Variants in NEMF observed in about 807,000 individuals in gnomAD.
The protein encoded by NEMF is ribosome quality control complex subunit NEMF.
In NEMF, 89 loss-of-function variants were observed where a neutral mutation model predicts 162.2. That is an observed-to-expected ratio of 0.55 (90% CI 0.46 to 0.65). The LOEUF (loss-of-function observed/expected upper bound fraction) is 0.65, where lower values mean the gene tolerates loss of function less well. Among genes scored for constraint, NEMF ranks in the 30% least tolerant of loss-of-function variants. The pLI, the probability that NEMF is intolerant of heterozygous loss-of-function variation, is 0.00. For missense variants in NEMF, 1,133 were observed against 1,261.9 expected (o/e 0.90, Z 1.55); for synonymous variants, 421 against 404.5 (o/e 1.04, Z -0.49).
intron 6 of NEMF, among the ~76,000 whole-genome samples, chr14:49,835,830 C>A (rs1175502302): frequency 6.6e-6 from 1 of 152,006 alleles, no homozygotes; most frequent in Non-Finnish European, 1.5e-5. Flanking sequence ...ATACAAAAAC[C>A]AATATATAGA....
At position 49,802,455 on chromosome 14, in the gene NEMF, A is replaced by G. The variant is rs538511705; in HGVS notation, c.2093T>C (p.Leu698Ser). The stretch of plus-strand genomic sequence containing the variant: ...ATTTCTTAAAATCTATAAACTACCT[A>G]ATTGTTCCATTTCTTCTGATATGAG... ...SELISEEMEQ[L>S]DGGDTSSDED... The change falls in exon 22 of 33, where the codon TTA becomes TCA. Residue 698 changes from leucine (L) to serine (S), a missense_variant and splice_region_variant. Leu to Ser is a moderately radical substitution (Grantham distance 145, BLOSUM62 -2). This residue lies in a region of NEMF where 532 missense variants were observed against 578.6 expected (regional missense o/e 0.92). Transcript: ENST00000298310. The G allele has an allele frequency of 5.0e-6, 8 of 1,612,774 alleles. No individual in the cohort carries two copies. Among genetic ancestry groups the G allele is most frequent in the Non-Finnish European group, 4.2e-6 (5 of 1,179,548 alleles).
At chr14:49,819,922 A>C (rs1891913529) in intron 16 of NEMF, among the ~76,000 whole-genome samples, 1 of 151,796 alleles carries the variant, frequency 6.6e-6, no homozygotes, top group Admixed American at 6.6e-5. Flanking sequence ...AGAGGATTAG[A>C]ATGCCACTTC....
chr14:49,809,086 A>T (rs1028588213), intron 18 of NEMF, among the ~76,000 whole-genome samples: 2 of 152,208 alleles, frequency 1.3e-5, no homozygotes, highest in Non-Finnish European at 2.9e-5. Context: ...GTGATGTAAA[A>T]GGGTACAGCC....
In NEMF at chr14:49,829,122, T is replaced by C; in HGVS notation, c.1164A>G (p.Gln388=). ...IGLIVKEAQA[Q]GDPVASAIKE... ...TGATTGCACTTGCAACAGGGTCTCC[T>C]TGAGCCTGGGCTTCTTTCACAATTA... Residue 388 remains glutamine, a synonymous_variant, in exon 13 of 33, where the codon CAA becomes CAG. Transcript: ENST00000298310. The C allele has an allele frequency of 6.2e-7, 1 of 1,614,198 alleles. No homozygotes were observed. Among genetic ancestry groups the C allele is most frequent in the Non-Finnish European group, 8.5e-7 (1 of 1,180,016 alleles).
intron 5 of NEMF, 45 bp from the exon 6 acceptor site, chr14:49,838,251 C>G: frequency 6.6e-7 from 1 of 1,511,410 alleles, no homozygotes; most frequent in Non-Finnish European, 9.2e-7. Flanking sequence ...TTAAATAAAC[C>G]TTACAGCAAT....
Position 49,782,226 on chromosome 14 carries a change from C to A in NEMF, c.*2410G>T. The A allele has an allele frequency of 1.8e-6, 1 of 541,652 alleles. No homozygotes were observed. The highest frequency in any genetic ancestry group is 3.6e-5 in the Admixed American group (1 of 27,756). 33.6% of individuals were successfully genotyped at this position (541,652 alleles called of 1,614,324 possible). On this transcript the variant is annotated 3_prime_UTR_variant, in exon 33 of 33. Coordinates refer to ENST00000298310, the MANE Select transcript of NEMF (RefSeq NM_004713.6). ...TGATTGATCTGCTTTTGCTACTTTC[C>A]CTTAAGATTTTACTTCTCGCCATGA...
chr14:49,836,447 T>A (rs1289047167), intron 6 of NEMF, among the ~76,000 whole-genome samples: 1 of 151,900 alleles, frequency 6.6e-6, no homozygotes, highest in Non-Finnish European at 1.5e-5. Context: ...AGTTCAGGAG[T>A]TCGAGACCAA....
intron 16 of NEMF, among the ~76,000 whole-genome samples, chr14:49,816,518 G>A (rs1303087678): frequency 6.6e-6 from 1 of 152,152 alleles, no homozygotes; most frequent in Admixed American, 6.5e-5. Context: ...CTGGCTTTAA[G>A]GCTCAGGTGG....
chr14:49,844,116 A>C (rs530476284), intron 4 of NEMF, among the ~76,000 whole-genome samples: 32 of 151,058 alleles, frequency 2.1e-4, no homozygotes, highest in South Asian at 4.2e-4. Context: ...AAAAACCAAA[A>C]CAAAACAAAA....
At chr14:49,788,972 G>A (rs556117585) in intron 28 of NEMF, among the ~76,000 whole-genome samples, 174 bp downstream of exon 28, 6 of 152,204 alleles carry the variant, frequency 3.9e-5, no homozygotes, top group East Asian at 1.9e-4. Flanking sequence ...CCATTATCAT[G>A]CTTAGATAAG....
At chr14:49,787,072 G>C (rs1890212227) in intron 28 of NEMF, 1 of 204,774 alleles carries the variant, frequency 4.9e-6, no homozygotes, top group Non-Finnish European at 9.8e-6. Context: ...AATTTAAAAT[G>C]ACAACTAAGG....
chr14:49,821,632 A>G, intron 16 of NEMF, among the ~76,000 whole-genome samples: 1 of 95,630 alleles, frequency 1.0e-5, no homozygotes, highest in Non-Finnish European at 2.1e-5. Flanking sequence ...TCCGGGAGGG[A>G]GGTGGGGGGC....
At chr14:49,844,263 A>G (rs941170004) in intron 4 of NEMF, among the ~76,000 whole-genome samples, 2 of 152,162 alleles carry the variant, frequency 1.3e-5, no homozygotes, top group African/African-American at 4.8e-5. Flanking sequence ...AGATTCTCGC[A>G]AGAAGCATGC....
intron 26 of NEMF, among the ~76,000 whole-genome samples, chr14:49,794,104 G>C (rs747184414): frequency 1.2e-4 from 19 of 152,142 alleles, no homozygotes; most frequent in Middle Eastern, 3.4e-3. Flanking sequence ...CCTCTGTCTA[G>C]ATTTTATTCT....
chr14:49,834,171 G>C (rs557586452), intron 7 of NEMF, 192 bp downstream of exon 7: 2 of 587,300 alleles, frequency 3.4e-6, no homozygotes, highest in Non-Finnish European at 6.2e-6. Flanking sequence ...ACCCACTGCA[G>C]CCTCAAACAC....
intron 16 of NEMF, among the ~76,000 whole-genome samples, chr14:49,823,374 CTTAT>C (rs1198553186): frequency 2.0e-5 from 3 of 150,856 alleles, no homozygotes; most frequent in Admixed American, 6.6e-5. Flanking sequence ...AAAGCAGAAA[CTTAT>C]TTATTTTTTT....
At position 49,802,706 on chromosome 14, in the gene NEMF, G is replaced by T. The variant is rs753615096; in HGVS notation, c.1937C>A (p.Pro646His). The part of the protein sequence containing the change: ...MIRGKKNFLP[P>H]SYLMMGFSFL... Reference sequence around the variant, plus strand: ...GCTAAACCCCATCATTAGATATGAGGGAGGAAGAAAATTCTTTTTTCCTAC... The same window carrying T: ...GCTAAACCCCATCATTAGATATGAGTGAGGAAGAAAATTCTTTTTTCCTAC... Residue 646 changes from proline (P) to histidine (H), a missense_variant, in exon 21 of 33, where the codon CCC (proline) becomes CAC (histidine). Transcript: ENST00000298310. 1.9e-6 allele frequency: 3 copies of T among 1,611,154 alleles called. 1 individual carries two copies. The South Asian group carries it at 3.3e-5, about 18-fold the overall frequency.
intron 6 of NEMF, among the ~76,000 whole-genome samples, chr14:49,837,442 G>A (rs1398972669): frequency 2.0e-5 from 3 of 152,066 alleles, no homozygotes; most frequent in Admixed American, 6.6e-5. Flanking sequence ...GCTTGAGCTC[G>A]GAGTTTGAGA....
chr14:49,850,877 G>A (rs546827012), intron 3 of NEMF, among the ~76,000 whole-genome samples: 1 of 152,242 alleles, frequency 6.6e-6, no homozygotes, highest in East Asian at 1.9e-4. Flanking sequence ...AACCATAAAA[G>A]GTGAGGTAAC....
Sources: allele counts gnomAD v4.1 joint callset (sites outside exome capture counted in the v4.1 genomes callset), GRCh38; gene constraint gnomAD v4.1.1; regional missense constraint gnomAD v4.1.1; transcripts MANE v1.5; gene names NCBI Gene and HGNC (gene_info 2026-07-23, HGNC 2026-07-21).